CMTM4: variants seen among roughly 807,000 people sequenced by gnomAD.
CMTM4 encodes CKLF like MARVEL transmembrane domain containing 4, also known as CKLF-like MARVEL transmembrane domain-containing protein 4.
CMTM4 carries 8 observed loss-of-function variants against 19.0 expected under a neutral mutation model. The observed-to-expected ratio is 0.42, with a 90% CI of 0.25 to 0.76. The LOEUF is 0.76. Among genes scored for constraint, CMTM4 ranks in the 30% least tolerant of loss-of-function variants. The pLI is 0.27. For missense variants in CMTM4, 228 were observed against 290.2 expected (o/e 0.79, Z 1.56); for synonymous variants, 106 against 121.1 (o/e 0.88, Z 0.82).
At chr16:66,636,645 A>C (rs980326390) in intron 1 of CMTM4, 64 bp from the exon 2 acceptor site, 60 of 1,318,726 alleles carry the variant, frequency 4.5e-5, no homozygotes, top group Admixed American at 1.7e-5. Flanking sequence ...GGACATACGT[A>C]CCTGCCATGC....
At chr16:66,635,644 TCATCC>T (rs1210444329) in intron 2 of CMTM4, among the ~76,000 whole-genome samples, 2 of 152,248 alleles carry the variant, frequency 1.3e-5, no homozygotes, top group African/African-American at 4.8e-5. Context: ...CACGGCGTTC[TCATCC>T]CACAGGCACA....
At chr16:66,631,520 C>T (rs1001607622) in intron 2 of CMTM4, among the ~76,000 whole-genome samples, 2 of 152,194 alleles carry the variant, frequency 1.3e-5, no homozygotes, top group East Asian at 1.9e-4. Flanking sequence ...ACTGAGAAAT[C>T]GGATGGTTGC....
chr16:66,618,859 T>A lies in CMTM4; in HGVS notation c.*3199A>T. On this transcript the variant is annotated 3_prime_UTR_variant, in exon 4 of 4. Coordinates refer to ENST00000394106, the MANE Select transcript of CMTM4 (RefSeq NM_181521.3). ...CGTGAGCCTTCCTGCCAGGGGACAG[T>A]AACAGGGCCCGAAGGGCTGGGGGTG... The A allele has an allele frequency of 1.0e-6, 1 of 985,452 alleles. No homozygotes were observed. The highest frequency in any genetic ancestry group is 1.2e-6 in the Non-Finnish European group (1 of 829,944). The allele number at this position is 985,452 out of a possible 1,614,324, so 61.0% of individuals were successfully genotyped here. A position where few individuals can be genotyped will look rare whatever the true frequency, so the allele number is the denominator to read the frequency against.
At chr16:66,643,317 G>A (rs528049409) in intron 1 of CMTM4, among the ~76,000 whole-genome samples, 6 of 152,156 alleles carry the variant, frequency 3.9e-5, no homozygotes, top group Non-Finnish European at 8.8e-5. Context: ...TTAAGCTACC[G>A]TAGCACTCCC....
intron 1 of CMTM4, among the ~76,000 whole-genome samples, chr16:66,675,610 T>C (rs1657367558): frequency 6.6e-6 from 1 of 152,086 alleles, no homozygotes. Flanking sequence ...TTAACCAGCC[T>C]GACAGTCCCT....
At chr16:66,650,369 T>C (rs1174263148) in intron 1 of CMTM4, among the ~76,000 whole-genome samples, 1 of 152,208 alleles carries the variant, frequency 6.6e-6, no homozygotes, top group Non-Finnish European at 1.5e-5. Flanking sequence ...CAAGACTAGT[T>C]TGCAAACCAT....
chr16:66,686,238 G>A (rs1479719713), intron 1 of CMTM4, among the ~76,000 whole-genome samples: 1 of 135,026 alleles, frequency 7.4e-6, no homozygotes, highest in Non-Finnish European at 1.6e-5. Flanking sequence ...TGGTGACAGA[G>A]CAAGATTCCG....
At chr16:66,635,057 C>T (rs2015964409) in intron 2 of CMTM4, among the ~76,000 whole-genome samples, 2 of 152,234 alleles carry the variant, frequency 1.3e-5, no homozygotes, top group African/African-American at 4.8e-5. Context: ...GAACAAGATG[C>T]TGACCTTGAC....
At chr16:66,625,582 G>GA (rs1484634609) in intron 2 of CMTM4, among the ~76,000 whole-genome samples, 1 of 151,938 alleles carries the variant, frequency 6.6e-6, no homozygotes, top group Non-Finnish European at 1.5e-5. Context: ...CAAATACAGG[G>GA]AAAAAATATG....
chr16:66,691,135 T>G (rs1186668999), intron 1 of CMTM4, among the ~76,000 whole-genome samples: 1 of 151,988 alleles, frequency 6.6e-6, no homozygotes, highest in Non-Finnish European at 1.5e-5. Context: ...AAATTCCTAT[T>G]ACCCATCTTT....
At chr16:66,604,961 G>C in the CMTM4 span, 1 of 1,492,570 alleles carries the variant, frequency 6.7e-7, no homozygotes, top group Non-Finnish European at 8.8e-7. Flanking sequence ...CGGTGAGTGC[G>C]GCGGGACCCT....
At chr16:66,645,282 C>T (rs1295069820) in intron 1 of CMTM4, among the ~76,000 whole-genome samples, 1 of 144,566 alleles carries the variant, frequency 6.9e-6, no homozygotes, top group African/African-American at 2.6e-5. Flanking sequence ...AAAACTCCAT[C>T]TCAAAGAAAA....
At chr16:66,669,988 T>C (rs373517661) in intron 1 of CMTM4, among the ~76,000 whole-genome samples, 1 of 152,190 alleles carries the variant, frequency 6.6e-6, no homozygotes, top group Non-Finnish European at 1.5e-5. Flanking sequence ...GCCTTCAATT[T>C]TGCCACTTAA....
Position 66,621,405 on chromosome 16 carries a change from C to T in CMTM4, c.*653G>A, listed in dbSNP as rs911885632. ...GGCCCCCATATTCCTGGAGAAGAAT[C>T]TGGGGTTCAGGAAGGTGATTCATTT... On this transcript the variant is annotated 3_prime_UTR_variant, in exon 4 of 4. Coordinates refer to ENST00000394106, the MANE Select transcript of CMTM4 (RefSeq NM_181521.3). The T allele has an allele frequency of 1.4e-5, 14 of 985,760 alleles. No individual in the cohort carries two copies. The highest frequency in any genetic ancestry group is 5.2e-4 in the Middle Eastern group (1 of 1,936). The allele number at this position is 985,760 out of a possible 1,614,324, so 61.1% of individuals were successfully genotyped here.
At chr16:66,658,787 TG>T (rs1246780362) in intron 1 of CMTM4, among the ~76,000 whole-genome samples, 1 of 151,980 alleles carries the variant, frequency 6.6e-6, no homozygotes, top group Non-Finnish European at 1.5e-5. Flanking sequence ...CAAATATCCC[TG>T]GGGGGCAAAA....
intron 1 of CMTM4, among the ~76,000 whole-genome samples, chr16:66,683,286 C>CTTTTTTTTTTTTTTT (rs781263895): frequency 1.6e-3 from 124 of 78,824 alleles, no homozygotes; most frequent in East Asian, 2.1e-3. Flanking sequence ...TTTTTCTTTT[C>CTTTTTTTTTTTTTTT]TTTTTTTTTT....
Position 66,620,690 on chromosome 16 carries a change from A to C in CMTM4, c.*1368T>G. The C allele has an allele frequency of 1.0e-6, 1 of 985,886 alleles. No homozygotes were observed. The highest frequency in any genetic ancestry group is 1.2e-6 in the Non-Finnish European group (1 of 829,942). The allele number at this position is 985,886 out of a possible 1,614,324, so 61.1% of individuals were successfully genotyped here. On this transcript the variant is annotated 3_prime_UTR_variant, in exon 4 of 4. Coordinates refer to ENST00000394106, the MANE Select transcript of CMTM4 (RefSeq NM_181521.3). Reference sequence around the variant, plus strand: ...CATGTTACTGCAAAATCTTCCTGCCACAGTAAGTGCTTTTTGGTGAGGGCT... The same window carrying C: ...CATGTTACTGCAAAATCTTCCTGCCCCAGTAAGTGCTTTTTGGTGAGGGCT...
chr16:66,604,940 G>A, the CMTM4 span: 1 of 1,503,248 alleles, frequency 6.7e-7, no homozygotes. Context: ...GCCGCCTCCT[G>A]CTGGCCGAGT....
At chr16:66,631,038 G>A (rs1332279844) in intron 2 of CMTM4, among the ~76,000 whole-genome samples, 1 of 151,590 alleles carries the variant, frequency 6.6e-6, no homozygotes, top group Non-Finnish European at 1.5e-5. Context: ...CCCCATCTGA[G>A]AAGTGAGGAG....
Sources: gnomAD v4.1 joint callset for allele counts (sites outside exome capture counted in the v4.1 genomes callset) on GRCh38, gnomAD v4.1.1 for gene constraint, MANE v1.5 for transcripts, NCBI Gene and HGNC (gene_info 2026-07-23, HGNC 2026-07-21) for gene names.